Variants in SMAD5 observed in about 807,000 individuals in gnomAD.
SMAD5 encodes SMAD family member 5, also known as MAD, mothers against decapentaplegic homolog 5.
In SMAD5, 9 loss-of-function variants were observed where a neutral mutation model predicts 43.1. That is an observed-to-expected ratio of 0.21 (90% CI 0.13 to 0.36). The LOEUF is 0.36. Among genes scored for constraint, SMAD5 ranks in the 10% least tolerant of loss-of-function variants. The pLI is 1.00. For missense variants in SMAD5, 348 were observed against 574.0 expected (o/e 0.61, Z 4.02); for synonymous variants, 190 against 192.4 (o/e 0.99, Z 0.10).
chr5:136,164,182 C>T (rs543279726), intron 5 of SMAD5, among the ~76,000 whole-genome samples: 24 of 152,202 alleles, frequency 1.6e-4, no homozygotes, highest in African/African-American at 4.8e-4. Flanking sequence ...AGCAACAGAG[C>T]GAGGCTCCAT....
chr5:136,174,612 A>G lies in SMAD5; in HGVS notation c.1234A>G (p.Ile412Val), dbSNP rs375464615. The G allele has an allele frequency of 1.2e-6, 2 of 1,611,192 alleles. No homozygotes were observed. The highest frequency in any genetic ancestry group is 1.7e-6 in the Non-Finnish European group (2 of 1,177,386). ...ATATGAGCTCACCAAAATGTGTACC[A>G]TTCGGATGAGTTTTGTCAAGGTGAG... Reference protein sequence around the residue: ...AVYELTKMCTIRMSFVKGWGA... With the variant: ...AVYELTKMCTVRMSFVKGWGA... The change falls in exon 7 of 8, where the codon ATT becomes GTT. Residue 412 changes from isoleucine to valine, a missense_variant. Ile to Val is a conservative substitution (Grantham distance 29). Around this residue, in one of 5 missense-constraint regions of SMAD5, gnomAD observed 97 missense variants for 211.8 expected, o/e 0.46. Coordinates refer to ENST00000545279, the MANE Select transcript of SMAD5 (RefSeq NM_005903.7).
chr5:136,138,479 T>C (rs1453438136), intron 1 of SMAD5, among the ~76,000 whole-genome samples: 3 of 152,210 alleles, frequency 2.0e-5, no homozygotes, highest in Non-Finnish European at 4.4e-5. Context: ...CTAGAAGAGC[T>C]GTGAGCAAAC....
chr5:136,141,307 T>C (rs562326645), intron 1 of SMAD5, among the ~76,000 whole-genome samples: 1 of 152,338 alleles, frequency 6.6e-6, no homozygotes, highest in African/African-American at 2.4e-5. Context: ...TTCATTGTTT[T>C]GAGGAGCAAC....
In SMAD5 at chr5:136,180,912, T is replaced by G. The variant is rs1174700444; in HGVS notation, c.*3432T>G. 1 of 152,122 alleles carries G rather than the reference T, an allele frequency of 6.6e-6. No individual in the cohort carries two copies. The highest frequency in any genetic ancestry group is 1.5e-5 in the Non-Finnish European group (1 of 67,952). 9.4% of individuals were successfully genotyped at this position (152,122 alleles called of 1,614,324 possible). On this transcript the variant is annotated 3_prime_UTR_variant, in exon 8 of 8. Transcript: ENST00000545279. ...CATACCTGAAATCTGTTGTCAAGATTAGAACTGGGGTTCATGTTAAAAACC... is the reference window on the plus strand; with the variant it reads ...CATACCTGAAATCTGTTGTCAAGATGAGAACTGGGGTTCATGTTAAAAACC...
chr5:136,148,686 T>G (rs1435734440), intron 2 of SMAD5, among the ~76,000 whole-genome samples: 1 of 151,724 alleles, frequency 6.6e-6, no homozygotes, highest in African/African-American at 2.4e-5. Context: ...CAGAAGACAG[T>G]AACAGACTAA....
intron 7 of SMAD5, among the ~76,000 whole-genome samples, chr5:136,176,317 TG>T (rs1029998038): frequency 5.9e-5 from 9 of 151,452 alleles, no homozygotes; most frequent in Non-Finnish European, 1.2e-4. Flanking sequence ...TAGCCGGGCA[TG>T]GTGGTGGGTG....
At chr5:136,164,528 A>G (rs932024689) in intron 5 of SMAD5, among the ~76,000 whole-genome samples, 5 of 152,178 alleles carry the variant, frequency 3.3e-5, no homozygotes, top group African/African-American at 7.2e-5. Context: ...GGCCATTTAT[A>G]TATCTTCTTT....
At chr5:136,173,449 T>C (rs1754294879) in intron 6 of SMAD5, among the ~76,000 whole-genome samples, 1 of 152,192 alleles carries the variant, frequency 6.6e-6, no homozygotes. Flanking sequence ...ATAGGATTTC[T>C]TATAGAAGTG....
chr5:136,174,587 A>G lies in SMAD5; in HGVS notation c.1209A>G (p.Val403=), dbSNP rs771730404. 1.3e-5 allele frequency: 21 copies of G among 1,613,338 alleles called. No individual in the cohort carries two copies. The Admixed American group carries it at 3.2e-4, about 24-fold the overall frequency. The change falls in exon 7 of 8, where the codon GTA becomes GTG. Residue 403 remains valine (V), a synonymous_variant. Transcript: ENST00000545279. ...CTGTCAACCATGGGTTTGAGGCAGT[A>G]TATGAGCTCACCAAAATGTGTACCA... ...AQSVNHGFEA[V]YELTKMCTIR... is the part of the protein sequence containing the mutation.
At chr5:136,174,745 T>TA in intron 7 of SMAD5, 113 bp downstream of exon 7, 1 of 679,746 alleles carries the variant, frequency 1.5e-6, no homozygotes, top group Non-Finnish European at 2.5e-6. Context: ...TTTGGCCTGA[T>TA]TTAACAGGTT....
chr5:136,136,602 C>T (rs1289155378), intron 1 of SMAD5, among the ~76,000 whole-genome samples: 2 of 152,198 alleles, frequency 1.3e-5, no homozygotes, highest in African/African-American at 2.4e-5. Context: ...GGACTAATCT[C>T]ATAGGCCACC....
intron 5 of SMAD5, among the ~76,000 whole-genome samples, chr5:136,169,342 G>A (rs996427143): frequency 1.3e-5 from 2 of 152,100 alleles, no homozygotes; most frequent in African/African-American, 4.8e-5. Context: ...TTGAGGGTGG[G>A]CCTGCCTCTC....
At chr5:136,175,438 T>C (rs971286595) in intron 7 of SMAD5, among the ~76,000 whole-genome samples, 15 of 152,228 alleles carry the variant, frequency 9.9e-5, no homozygotes, top group Admixed American at 7.2e-4. Context: ...TTAAAAGTAA[T>C]GGCAGAAGCC....
chr5:136,170,210 A>G (rs1754166963), intron 5 of SMAD5, among the ~76,000 whole-genome samples: 1 of 152,230 alleles, frequency 6.6e-6, no homozygotes, highest in African/African-American at 2.4e-5. Flanking sequence ...TAGGAGTTTT[A>G]TAGTTTTGCA....
chr5:136,136,777 A>C lies in SMAD5; in HGVS notation c.-245+3815A>C, dbSNP rs540985883. On this transcript the variant is annotated intron_variant, in intron 1 of 7. Transcript: ENST00000545279. Reference sequence around the variant, plus strand: ...AGTGACGCGATCTTGACTCACTGCAATTCTGCCTCCCGGCTTCAAGCGATT... The same window carrying C: ...AGTGACGCGATCTTGACTCACTGCACTTCTGCCTCCCGGCTTCAAGCGATT... Among the ~76,000 whole-genome samples, 155 of 151,668 alleles carry C rather than the reference A, an allele frequency of 1.0e-3. 1 individual carries two copies. The highest frequency in any genetic ancestry group is 3.6e-3 in the African/African-American group (147 of 41,384).
chr5:136,152,502 T>A (rs774290503), intron 2 of SMAD5, among the ~76,000 whole-genome samples: 26 of 152,298 alleles, frequency 1.7e-4, no homozygotes, highest in Non-Finnish European at 3.1e-4. Context: ...GCTAGAATTT[T>A]TCAAAGACAA....
chr5:136,156,783 A>G (rs983524035), intron 3 of SMAD5, among the ~76,000 whole-genome samples: 7 of 152,214 alleles, frequency 4.6e-5, no homozygotes, highest in Non-Finnish European at 1.0e-4. Context: ...TTTCTCAGCT[A>G]TGATTCATTC....
intron 1 of SMAD5, among the ~76,000 whole-genome samples, chr5:136,144,215 T>C (rs935393695): frequency 6.6e-6 from 1 of 152,062 alleles, no homozygotes; most frequent in Non-Finnish European, 1.5e-5. Flanking sequence ...GTTTTCAAGC[T>C]AGAAGTAGAA....
rs1472114537 is a variant in SMAD5, at chr5:136,179,554, A to C, written c.*2074A>C. 1 of 152,194 alleles carries C rather than the reference A, an allele frequency of 6.6e-6. No homozygotes were observed. The highest frequency in any genetic ancestry group is 2.4e-5 in the African/African-American group (1 of 41,416). 9.4% of individuals were successfully genotyped at this position (152,194 alleles called of 1,614,324 possible). A position where few individuals can be genotyped will look rare whatever the true frequency, so the allele number is the denominator to read the frequency against. ...TTTATTGCTTTTTCAATGTGCAGCCAGTGGATGGTTTTAGTTCTTTCAGAT... is the reference window on the plus strand; with the variant it reads ...TTTATTGCTTTTTCAATGTGCAGCCCGTGGATGGTTTTAGTTCTTTCAGAT... On this transcript the variant is annotated 3_prime_UTR_variant, in exon 8 of 8. Transcript: ENST00000545279.
Sources: gnomAD v4.1 joint callset for allele counts (sites outside exome capture counted in the v4.1 genomes callset) on GRCh38, gnomAD v4.1.1 for gene constraint, gnomAD v4.1.1 regional missense constraint, MANE v1.5 for transcripts, NCBI Gene and HGNC (gene_info 2026-07-23, HGNC 2026-07-21) for gene names.